The following IL1RAPL2 variants were observed in gnomAD, a reference collection of about 807,000 sequenced individuals.
The protein encoded by IL1RAPL2 is X-linked interleukin-1 receptor accessory protein-like 2.
A neutral mutation model predicts 44.1 loss-of-function variants in IL1RAPL2; 3 were observed. The ratio of observed to expected loss-of-function variants is 0.07; its 90% CI spans 0.03 to 0.18. IL1RAPL2 has a LOEUF of 0.18. Ranked by LOEUF, IL1RAPL2 falls within the 10% of genes least tolerant of loss-of-function variation. The pLI is 1.00. For missense variants in IL1RAPL2, 391 were observed against 496.4 expected (o/e 0.79, Z 2.02); for synonymous variants, 181 against 178.8 (o/e 1.01, Z -0.10).
intron 2 of IL1RAPL2, among the ~76,000 whole-genome samples, chrX:104,905,116 T>C (rs1173704582): frequency 1.8e-5 from 2 of 111,930 alleles, no homozygotes; most frequent in Non-Finnish European, 3.8e-5. Context: ...GAGAAGTGTC[T>C]GTTCATGTCC....
intron 2 of IL1RAPL2, among the ~76,000 whole-genome samples, chrX:104,851,120 T>C (rs1358279589): frequency 1.8e-5 from 2 of 111,225 alleles, no homozygotes; most frequent in African/African-American, 6.5e-5. Context: ...CCCTACTAGC[T>C]TTTAATTGGC....
intron 7 of IL1RAPL2, among the ~76,000 whole-genome samples, chrX:105,739,505 C>T (rs1394395520): frequency 1.4e-5 from 1 of 73,049 alleles, no homozygotes; most frequent in African/African-American, 5.2e-5. Context: ...CCCCTCCCCC[C>T]ACCCCACAAC....
intron 2 of IL1RAPL2, among the ~76,000 whole-genome samples, chrX:104,951,268 A>T (rs1925576981): frequency 8.9e-6 from 1 of 112,558 alleles, no homozygotes; most frequent in South Asian, 3.6e-4. Context: ...ACAGTTCCAG[A>T]TCTGAGATTC....
intron 2 of IL1RAPL2, among the ~76,000 whole-genome samples, chrX:104,680,125 G>T (rs1357480394): frequency 8.9e-6 from 1 of 111,865 alleles, no homozygotes; most frequent in African/African-American, 3.3e-5. Flanking sequence ...GCAAGTGATG[G>T]TCCAGCTGAC....
chrX:105,530,671 G>A (rs2036627530), intron 6 of IL1RAPL2, among the ~76,000 whole-genome samples: 1 of 110,319 alleles, frequency 9.1e-6, no homozygotes, highest in East Asian at 2.9e-4. Flanking sequence ...TCATATAGTA[G>A]GTCTTATTCA....
intron 1 of IL1RAPL2, among the ~76,000 whole-genome samples, chrX:104,570,298 T>C (rs1317809345): frequency 8.9e-6 from 1 of 111,890 alleles, no homozygotes. Flanking sequence ...ATGTGCAATA[T>C]GTGCTTTAAT....
intron 5 of IL1RAPL2, among the ~76,000 whole-genome samples, chrX:105,458,243 A>T (rs1243284983): frequency 9.0e-6 from 1 of 111,268 alleles, no homozygotes; most frequent in Non-Finnish European, 1.9e-5. Flanking sequence ...CAGGTTTGCA[A>T]ATATTTTCTC....
intron 2 of IL1RAPL2, among the ~76,000 whole-genome samples, chrX:104,797,828 AATGTTAC>A (rs963730093): frequency 2.7e-5 from 3 of 112,321 alleles, no homozygotes; most frequent in African/African-American, 9.7e-5. Context: ...AAACTATTAA[AATGTTAC>A]AGTGATTCAA....
chrX:105,416,707 C>T (rs1343651504), intron 5 of IL1RAPL2, among the ~76,000 whole-genome samples: 4 of 111,624 alleles, frequency 3.6e-5, no homozygotes, highest in Non-Finnish European at 7.5e-5. Context: ...TCCTTCTCTC[C>T]GTAGCCTTCC....
intron 2 of IL1RAPL2, among the ~76,000 whole-genome samples, chrX:105,012,364 A>T (rs753972180): frequency 2.6e-4 from 29 of 110,526 alleles, no homozygotes; most frequent in Non-Finnish European, 4.9e-4. Context: ...ATGAAATACA[A>T]TTCTATGGCA....
rs1480597561 is a variant in IL1RAPL2 at position 105,728,223 on chromosome X, T to TTTTA, written c.902+10728_902+10731dup. On this transcript the variant is annotated intron_variant, in intron 7 of 10. Coordinates refer to ENST00000372582, the MANE Select transcript of IL1RAPL2 (RefSeq NM_017416.2). Reference sequence around the variant, plus strand: ...CAGAACTCCTGGCAACTCCTTATCTTTTTACTGTCTCCGAAATGTTGCCTT... The same window carrying TTTTA: ...CAGAACTCCTGGCAACTCCTTATCTTTTTATTTACTGTCTCCGAAATGTTGCCTT... 3.6e-5 allele frequency among the ~76,000 whole-genome samples: 4 copies of TTTTA among 111,633 alleles called. No individual in the cohort carries two copies. The Admixed American group carries it at 3.8e-4, about 11-fold the overall frequency.
At chrX:104,843,244 T>C (rs750634751) in intron 2 of IL1RAPL2, among the ~76,000 whole-genome samples, 4 of 111,698 alleles carry the variant, frequency 3.6e-5, no homozygotes, top group Non-Finnish European at 7.5e-5. Flanking sequence ...TAATGGTGGA[T>C]GCCCTTCACC....
intron 6 of IL1RAPL2, among the ~76,000 whole-genome samples, chrX:105,609,717 A>G (rs2037321492): frequency 1.8e-5 from 2 of 111,167 alleles, no homozygotes; most frequent in South Asian, 7.7e-4. Context: ...TTCAGTGCCT[A>G]AAGTGACCAG....
At chrX:105,761,333 GAC>G (rs1274583660) in intron 10 of IL1RAPL2, among the ~76,000 whole-genome samples, 3 of 109,916 alleles carry the variant, frequency 2.7e-5, no homozygotes, top group African/African-American at 9.9e-5. Context: ...ATCTGTCAGA[GAC>G]AGAATCAAGA....
At chrX:105,736,563 T>C (rs1224075726) in intron 7 of IL1RAPL2, among the ~76,000 whole-genome samples, 1 of 107,312 alleles carries the variant, frequency 9.3e-6, no homozygotes, top group African/African-American at 3.4e-5. Context: ...GCAAAGAACA[T>C]GAACAGACAC....
intron 6 of IL1RAPL2, among the ~76,000 whole-genome samples, chrX:105,521,901 A>G (rs2036561550): frequency 1.8e-5 from 2 of 112,358 alleles, no homozygotes; most frequent in Non-Finnish European, 3.8e-5. Flanking sequence ...TCCACAGAAT[A>G]CATACATGGC....
chrX:105,536,475 T>C (rs1298812265), intron 6 of IL1RAPL2, among the ~76,000 whole-genome samples: 2 of 108,787 alleles, frequency 1.8e-5, no homozygotes, highest in African/African-American at 6.7e-5. Flanking sequence ...CTAATGTGCA[T>C]CTCTTCCCAA....
At position 105,749,028 on chromosome X, in the gene IL1RAPL2, G is replaced by C. The variant is rs200492236; in HGVS notation, c.1117G>C (p.Val373Leu). 7 of 1,207,295 alleles carry C rather than the reference G, an allele frequency of 5.8e-6. No individual in the cohort carries two copies. The highest frequency in any genetic ancestry group is 3.4e-6 in the Non-Finnish European group (3 of 893,133). The change falls in exon 9 of 11, where the codon GTC becomes CTC. Residue 373 changes from valine to leucine, a missense_variant. This residue lies in a region of IL1RAPL2 where 232 missense variants were observed against 244.8 expected (regional missense o/e 0.95). Transcript: ENST00000372582. ...CTTCCTCCTCCTTGTACTGCTGGTG[G>C]TCATTTACAAATGCTACAACATTGA... ...AIFLLLVLLV[V>L]IYKCYNIELM... is the part of the protein sequence containing the mutation.
intron 4 of IL1RAPL2, among the ~76,000 whole-genome samples, chrX:105,252,940 C>CT (rs59577091): frequency 0.23 from 25,200 of 110,108 alleles, 6,175 homozygotes; most frequent in African/African-American, 0.73. Flanking sequence ...TTATTTGGAA[C>CT]TTTTTTGTCT....
Sources: allele counts gnomAD v4.1 joint callset (sites outside exome capture counted in the v4.1 genomes callset), GRCh38; gene constraint gnomAD v4.1.1; regional missense constraint gnomAD v4.1.1; transcripts MANE v1.5; gene names NCBI Gene and HGNC (gene_info 2026-07-23, HGNC 2026-07-21).